FILIP1: variants seen among roughly 807,000 people sequenced by gnomAD.
FILIP1 encodes the protein filamin-A-interacting protein 1.
In FILIP1, 61 loss-of-function variants were observed where a neutral mutation model predicts 102.1. The ratio of observed to expected loss-of-function variants is 0.60; its 90% confidence interval spans 0.49 to 0.74. The LOEUF is 0.74. FILIP1 is among the 30% of genes least tolerant of loss of function. The probability of loss-of-function intolerance (pLI) is 0.00; values close to 1 mark genes in which losing one functional copy is unlikely to be tolerated. For synonymous variants in FILIP1, 491 were observed against 526.9 expected (o/e 0.93, Z 0.93); for missense variants, 1,314 against 1,441.2 (o/e 0.91, Z 1.43).
At chr6:75,300,472 A>G (rs1290464614) in intron 6 of FILIP1, among the ~76,000 whole-genome samples, 1 of 152,190 alleles carries the variant, frequency 6.6e-6, no homozygotes, top group Admixed American at 6.5e-5. Flanking sequence ...GCCTCAGAAC[A>G]ACTTGTCCAC....
exon 7 of FILIP1, chr6:75,293,958 C>T (rs1056694410): frequency 1.3e-5 from 2 of 152,180 alleles, no homozygotes; most frequent in African/African-American, 2.4e-5. Context: ...ATACACACTC[C>T]AGTTTTCTTA....
chr6:75,457,292 C>T (rs1277519074), intron 1 of FILIP1, among the ~76,000 whole-genome samples: 1 of 152,164 alleles, frequency 6.6e-6, no homozygotes, highest in African/African-American at 2.4e-5. Context: ...GTACCTAAAG[C>T]TCTGTTTCAT....
At position 75,314,198 on chromosome 6, in the gene FILIP1, T is replaced by C. The variant is rs562398709; in HGVS notation, c.1634A>G (p.Glu545Gly). The change falls in exon 5 of 6, where the codon GAA (glutamate) becomes GGA (glycine). Residue 545 changes from glutamate (E) to glycine (G), a missense_variant. By Grantham distance (98) the Glu-to-Gly change is moderately conservative. Coordinates refer to ENST00000237172, the MANE Select transcript of FILIP1 (RefSeq NM_015687.5). ...VEQGKVMDVT[E>G]KLIEESKKLL... ...TTTCTTACTTTCTTCAATTAGTTTT[T>C]CAGTTACATCCATAACTTTTCCTTG... The C allele has an allele frequency of 5.1e-6, 8 of 1,557,422 alleles. No individual in the cohort carries two copies. In the Admixed American group the frequency reaches 1.6e-4, roughly 32 times the overall value.
chr6:75,446,999 T>G (rs1227271753), intron 1 of FILIP1, among the ~76,000 whole-genome samples: 1 of 152,122 alleles, frequency 6.6e-6, no homozygotes, highest in African/African-American at 2.4e-5. Context: ...TGGTGTCATA[T>G]CAAATGAAGT....
chr6:75,391,987 T>G (rs1324696011), intron 2 of FILIP1, among the ~76,000 whole-genome samples: 3 of 152,142 alleles, frequency 2.0e-5, no homozygotes, highest in Non-Finnish European at 4.4e-5. Context: ...AATTCAATGG[T>G]CAACTCTCAC....
chr6:75,328,549 A>AGT (rs1253320443), intron 4 of FILIP1, among the ~76,000 whole-genome samples: 1 of 152,198 alleles, frequency 6.6e-6, no homozygotes, highest in Admixed American at 6.5e-5. Flanking sequence ...GCTGGAGTGC[A>AGT]GTGACATGAT....
In FILIP1 at chr6:75,312,842, C is replaced by T. The variant is rs1376838696; in HGVS notation, c.2990G>A (p.Gly997Asp). 1.2e-6 allele frequency: 2 copies of T among 1,614,068 alleles called. No individual in the cohort carries two copies. Among genetic ancestry groups the T allele is most frequent in the African/African-American group, 2.7e-5 (2 of 74,924 alleles). ...SREKTPESGR[G>D]AFADRPTSPI... ...GGATGTGGGCCTGTCTGCAAATGCG[C>T]CTCTTCCACTTTCTGGAGTCTTCTC... The change falls in exon 5 of 6, where the codon GGC becomes GAC. Residue 997 changes from glycine (G) to aspartate (D), a missense_variant. Gly to Asp is a moderately conservative substitution (Grantham distance 94). Coordinates refer to ENST00000237172, the MANE Select transcript of FILIP1 (RefSeq NM_015687.5).
intron 3 of FILIP1, among the ~76,000 whole-genome samples, chr6:75,356,870 T>C (rs190309451): frequency 6.6e-6 from 1 of 152,324 alleles, no homozygotes; most frequent in East Asian, 1.9e-4. Flanking sequence ...TTTCCAAATT[T>C]CTACGTGTGA....
chr6:75,485,990 CACACACAT>C lies in FILIP1; in HGVS notation c.-7+7416_-7+7423del, dbSNP rs1204155048. Among the ~76,000 whole-genome samples the C allele has an allele frequency of 3.8e-3, 521 of 138,912 alleles. 4 individuals carry two copies. Among genetic ancestry groups the C allele is most frequent in the African/African-American group, 0.015 (491 of 32,912 alleles). 91.1% of individuals were successfully genotyped at this position (138,912 alleles called of 152,430 possible). A position where few individuals can be genotyped will look rare whatever the true frequency, so the allele number is the denominator to read the frequency against. ...CAAAACACACACACACACACACACA[CACACACAT>C]ACACACACACACACACACACACTCC... On this transcript the variant is annotated intron_variant, in intron 1 of 5. Transcript: ENST00000237172.
intron 2 of FILIP1, among the ~76,000 whole-genome samples, chr6:75,379,651 C>T (rs1775845211): frequency 6.6e-6 from 1 of 152,200 alleles, no homozygotes. Flanking sequence ...ACTACCTCCT[C>T]TCTCCTTGGC....
At chr6:75,416,604 AAGT>A (rs1777279490) in intron 1 of FILIP1, among the ~76,000 whole-genome samples, 1 of 150,634 alleles carries the variant, frequency 6.6e-6, no homozygotes, top group African/African-American at 2.4e-5. Context: ...AAAAAAAAAG[AAGT>A]GATGAATAAA....
chr6:75,454,120 G>A (rs1309595656), intron 1 of FILIP1: 32 of 423,768 alleles, frequency 7.6e-5, no homozygotes, highest in African/African-American at 8.2e-5. Context: ...TCAGGGATGC[G>A]TTCTTTACTG....
At chr6:75,319,824 CG>C in intron 4 of FILIP1, 1 of 295,550 alleles carries the variant, frequency 3.4e-6, no homozygotes, top group Non-Finnish European at 6.0e-6. Flanking sequence ...AGCAAGACTC[CG>C]TCCCCCAAAA....
At chr6:75,372,627 A>AAGAAAG (rs1775565030) in intron 2 of FILIP1, among the ~76,000 whole-genome samples, 1 of 48,226 alleles carries the variant, frequency 2.1e-5, no homozygotes, top group Non-Finnish European at 3.8e-5. Flanking sequence ...AAGAAAAAGA[A>AAGAAAG]AGAAAGAAAG....
At position 75,429,133 on chromosome 6, in the gene FILIP1, AAG is replaced by A. The variant is rs546317399; in HGVS notation, c.-6-14157_-6-14156del. Reference sequence around the variant, plus strand: ...TAAGGGGAAAAACAAAAGCTACACCAAGAGAGTTTCATGTTTCAATTTAGAAA... The same window carrying A: ...TAAGGGGAAAAACAAAAGCTACACCAAGAGTTTCATGTTTCAATTTAGAAA... On this transcript the variant is annotated intron_variant, in intron 1 of 5. Transcript: ENST00000237172. Among the ~76,000 whole-genome samples the A allele has an allele frequency of 2.6e-4, 39 of 151,042 alleles. No individual in the cohort carries two copies. The East Asian group carries it at 7.3e-3, about 28-fold the overall frequency.
intron 4 of FILIP1, among the ~76,000 whole-genome samples, chr6:75,320,808 A>G (rs76595518): frequency 0.016 from 2,374 of 152,258 alleles, 64 homozygotes; most frequent in African/African-American, 0.054. Context: ...AGCCTATTAG[A>G]AAAGAAATGT....
chr6:75,482,354 G>A (rs1779670312), intron 1 of FILIP1, among the ~76,000 whole-genome samples: 1 of 152,202 alleles, frequency 6.6e-6, no homozygotes, highest in South Asian at 2.1e-4. Context: ...GGAACTGTCA[G>A]CAGAAACATT....
intron 3 of FILIP1, among the ~76,000 whole-genome samples, chr6:75,356,156 AC>A (rs1774991484): frequency 6.6e-6 from 1 of 152,176 alleles, no homozygotes; most frequent in Non-Finnish European, 1.5e-5. Flanking sequence ...CTGAAACCCC[AC>A]GGGGTAACTC....
At position 75,353,520 on chromosome 6, in the gene FILIP1, TG is replaced by T; in HGVS notation, c.629+18del. The T allele has an allele frequency of 6.2e-7, 1 of 1,613,502 alleles. No individual in the cohort carries two copies. Among genetic ancestry groups the T allele is most frequent in the Non-Finnish European group, 8.5e-7 (1 of 1,179,644 alleles). ...GCTATGGGCATCCAGATGTGACTGG[TG>T]GTGTGTGTGCACATTACCTCTCCCG... On this transcript the variant is annotated intron_variant, in intron 4 of 5. Transcript: ENST00000237172.
Sources: allele counts gnomAD v4.1 joint callset (sites outside exome capture counted in the v4.1 genomes callset), GRCh38; gene constraint gnomAD v4.1.1; transcripts MANE v1.5; gene names NCBI Gene and HGNC (gene_info 2026-07-23, HGNC 2026-07-21).